DAG1: variants seen among roughly 807,000 people sequenced by gnomAD.
DAG1 encodes dystroglycan 1, also known as dystroglycan 1 (dystrophin-associated glycoprotein 1).
In DAG1, 8 loss-of-function variants were observed where a neutral mutation model predicts 46.1. The observed-to-expected ratio is 0.17, with a 90% confidence interval of 0.10 to 0.31. The LOEUF is 0.31. Ranked by LOEUF, DAG1 falls within the 10% of genes least tolerant of loss-of-function variation. The pLI, the probability that DAG1 is intolerant of heterozygous loss-of-function variation, is 1.00. For missense variants in DAG1, 1,003 were observed against 1,189.9 expected, an observed-to-expected ratio of 0.84 and a Z score of 2.31; for synonymous variants, 495 against 481.8, an observed-to-expected ratio of 1.03 and a Z score of -0.36.
chr3:49,472,062 C>G (rs1039396360), intron 1 of DAG1, among the ~76,000 whole-genome samples: 3 of 152,176 alleles, frequency 2.0e-5, no homozygotes, highest in Non-Finnish European at 2.9e-5. Flanking sequence ...AGCTCTGGGC[C>G]TGCCTTGTGC....
intron 1 of DAG1, among the ~76,000 whole-genome samples, chr3:49,501,186 C>T (rs1285604243): frequency 1.3e-5 from 2 of 152,160 alleles, no homozygotes; most frequent in African/African-American, 4.8e-5. Context: ...CGTCATGTGT[C>T]CGCAGATAGC....
chr3:49,490,005 C>T (rs922848616), intron 1 of DAG1, among the ~76,000 whole-genome samples: 3 of 152,254 alleles, frequency 2.0e-5, no homozygotes, highest in Admixed American at 1.3e-4. Flanking sequence ...TTGGCATGGA[C>T]GTCCTGAGAG....
chr3:49,483,893 A>T lies in DAG1; in HGVS notation c.-117+13460A>T, dbSNP rs889974862. Among the ~76,000 whole-genome samples the T allele has an allele frequency of 8.6e-5, 13 of 151,892 alleles. No individual in the cohort carries two copies. The East Asian group carries it at 2.5e-3, about 30-fold the overall frequency. ...GTCTTGGCTATGTTGCCCAGGCTGG[A>T]TCCTCCTGCCTCAGCCTCCCAAAGT... On this transcript the variant is annotated intron_variant, in intron 1 of 2. Transcript: ENST00000308775.
rs1340467363 is a variant in DAG1, at chr3:49,503,859, G to GT, written c.-116-6551dup. Reference sequence around the variant, plus strand: ...AAAAAAAGAAAAAAGAAATTTAAAGGTTTTTTTTTGAGACAGAGTCTTACT... The same window carrying GT: ...AAAAAAAGAAAAAAGAAATTTAAAGGTTTTTTTTTTGAGACAGAGTCTTACT... On this transcript the variant is annotated intron_variant, in intron 1 of 2. Transcript: ENST00000308775. Among the ~76,000 whole-genome samples the GT allele has an allele frequency of 2.8e-3, 427 of 151,002 alleles. 3 individuals carry two copies. The highest frequency in any genetic ancestry group is 9.5e-3 in the African/African-American group (389 of 41,148).
chr3:49,482,540 CTG>C (rs992837648), intron 1 of DAG1, among the ~76,000 whole-genome samples: 3 of 152,212 alleles, frequency 2.0e-5, no homozygotes, highest in Admixed American at 6.6e-5. Flanking sequence ...CTTTACTCCA[CTG>C]AGATGTTTGG....
intron 1 of DAG1, among the ~76,000 whole-genome samples, chr3:49,480,267 C>CTTTTT (rs1043834393): frequency 2.0e-5 from 2 of 100,024 alleles, no homozygotes; most frequent in Non-Finnish European, 4.1e-5. Flanking sequence ...TATAACATTT[C>CTTTTT]TTTTTTTTTT....
intron 1 of DAG1, among the ~76,000 whole-genome samples, chr3:49,477,987 C>G (rs182788658): frequency 2.6e-5 from 4 of 151,354 alleles, no homozygotes; most frequent in Non-Finnish European, 5.9e-5. Flanking sequence ...AAGAAAAGGA[C>G]TGGGCGTGGT....
rs1025185612 is a variant in DAG1, at chr3:49,533,617, C to T, written c.*418C>T. The T allele has an allele frequency of 5.7e-6, 2 of 347,898 alleles. No homozygotes were observed. The highest frequency in any genetic ancestry group is 1.1e-5 in the Non-Finnish European group (2 of 179,868). The allele number at this position is 347,898 out of a possible 1,614,324, so 21.6% of individuals were successfully genotyped here. Reference sequence around the variant, plus strand: ...GTTTTTTCTATTCACGTGTGTCTAGCTGCAGGATGTAACATGGAAAACAGT... The same window carrying T: ...GTTTTTTCTATTCACGTGTGTCTAGTTGCAGGATGTAACATGGAAAACAGT... On this transcript the variant is annotated 3_prime_UTR_variant, in exon 3 of 3. Coordinates refer to ENST00000308775, the MANE Select transcript of DAG1 (RefSeq NM_004393.6).
At chr3:49,527,259 TCAC>T (rs2051199839) in intron 2 of DAG1, among the ~76,000 whole-genome samples, 1 of 149,530 alleles carries the variant, frequency 6.7e-6, no homozygotes, top group Non-Finnish European at 1.5e-5. Context: ...GCGCGGTGGC[TCAC>T]GCCTGTAATC....
chr3:49,531,436 C>G lies in DAG1; in HGVS notation c.925C>G (p.Arg309Gly), dbSNP rs763271754. ...CAATAAGAAGCCCCCTCTTCCCAAA[C>G]GCGTCCGGAGGCAGATCCATGCTAC... is the stretch of plus-strand genomic sequence containing the variant. ...IANKKPPLPK[R>G]VRRQIHATPT... The change falls in exon 3 of 3, where the codon CGC (arginine) becomes GGC (glycine). Residue 309 changes from arginine to glycine, a missense_variant. Transcript: ENST00000308775. The surrounding 1 kb of genome is among the most constrained non-coding windows in gnomAD (Gnocchi z 7.0). 1 of 1,614,006 alleles carries G rather than the reference C, an allele frequency of 6.2e-7. No individual in the cohort carries two copies.
At position 49,533,358 on chromosome 3, in the gene DAG1, GT is replaced by G. The variant is rs1164156000; in HGVS notation, c.*160del. 1 of 1,119,420 alleles carries G rather than the reference GT, an allele frequency of 8.9e-7. No homozygotes were observed. The highest frequency in any genetic ancestry group is 1.3e-6 in the Non-Finnish European group (1 of 766,538). The allele number at this position is 1,119,420 out of a possible 1,614,324, so 69.3% of individuals were successfully genotyped here. ...GGCCTGGACAAGCCCGCCCTCTCTGGTCCTCCCAAACCCCAAAGCAGCTGGA... is the reference window on the plus strand; with the variant it reads ...GGCCTGGACAAGCCCGCCCTCTCTGGCCTCCCAAACCCCAAAGCAGCTGGA... On this transcript the variant is annotated 3_prime_UTR_variant, in exon 3 of 3. Coordinates refer to ENST00000308775, the MANE Select transcript of DAG1 (RefSeq NM_004393.6).
intron 1 of DAG1, chr3:49,510,184 A>G (rs1219913501): frequency 4.1e-6 from 2 of 491,704 alleles, no homozygotes; most frequent in Non-Finnish European, 7.1e-6. Flanking sequence ...GGCATTTTAC[A>G]TTCATTTTTT....
At chr3:49,480,757 GT>G (rs770596207) in intron 1 of DAG1, among the ~76,000 whole-genome samples, 359 of 113,112 alleles carry the variant, frequency 3.2e-3, no homozygotes, top group African/African-American at 7.0e-3. Context: ...TCTGCATAAA[GT>G]TTTTTTTTTT....
intron 2 of DAG1, among the ~76,000 whole-genome samples, chr3:49,529,447 G>A (rs1227360778): frequency 6.6e-6 from 1 of 152,194 alleles, no homozygotes; most frequent in Non-Finnish European, 1.5e-5. Context: ...CAAGCCTGGG[G>A]TCTCCTTTCC....
chr3:49,515,245 C>T lies in DAG1; in HGVS notation c.285+4426C>T, dbSNP rs193205220. 2.0e-5 allele frequency among the ~76,000 whole-genome samples: 3 copies of T among 151,092 alleles called. No individual in the cohort carries two copies. The East Asian group carries it at 5.8e-4, about 29-fold the overall frequency. ...TCGGCCTCCCAACGTGCTGGGATTA[C>T]AGGAATGAGCCACTGTCCCGGGCCT... On this transcript the variant is annotated intron_variant, in intron 2 of 2. Coordinates refer to ENST00000308775, the MANE Select transcript of DAG1 (RefSeq NM_004393.6).
At chr3:49,495,322 C>T (rs1300560059) in intron 1 of DAG1, among the ~76,000 whole-genome samples, 1 of 152,124 alleles carries the variant, frequency 6.6e-6, no homozygotes, top group Non-Finnish European at 1.5e-5. Context: ...ACTTGTGTTT[C>T]CTGATTTAGT....
Position 49,470,631 on chromosome 3 carries a change from A to G in DAG1, c.-117+198A>G, listed in dbSNP as rs2049489985. On this transcript the variant is annotated intron_variant, in intron 1 of 2. Transcript: ENST00000308775. ...CCCTTTGCTCTGGGTCCCGCAGGCA[A>G]AGGCTCGGAGCGTTCGGCTGCAAGG... 3 of 152,094 alleles carry G rather than the reference A, an allele frequency of 2.0e-5. No individual in the cohort carries two copies. The South Asian group carries it at 6.2e-4, about 32-fold the overall frequency. 9.4% of individuals were successfully genotyped at this position (152,094 alleles called of 1,614,324 possible). A position where few individuals can be genotyped will look rare whatever the true frequency, so the allele number is the denominator to read the frequency against.
At position 49,535,122 on chromosome 3, in the gene DAG1, G is replaced by A. The variant is rs2051476624; in HGVS notation, c.*1923G>A. The A allele has an allele frequency of 6.6e-6, 1 of 152,288 alleles. No homozygotes were observed. Among genetic ancestry groups the A allele is most frequent in the African/African-American group, 2.4e-5 (1 of 41,460 alleles). 9.4% of individuals were successfully genotyped at this position (152,288 alleles called of 1,614,324 possible). On this transcript the variant is annotated 3_prime_UTR_variant, in exon 3 of 3. Coordinates refer to ENST00000308775, the MANE Select transcript of DAG1 (RefSeq NM_004393.6). ...GGGGGAGCCTGTAAATGCGGGCTCA[G>A]TGGACCACTGGTGACTGGGCTCATG...
intron 2 of DAG1, among the ~76,000 whole-genome samples, chr3:49,529,658 T>C (rs1318233497): frequency 2.0e-5 from 3 of 152,226 alleles, no homozygotes; most frequent in Non-Finnish European, 4.4e-5. Context: ...TTGGCCAATT[T>C]GTCTCTGGTA....
Sources: gnomAD v4.1 joint callset for allele counts (sites outside exome capture counted in the v4.1 genomes callset) on GRCh38, gnomAD v4.1.1 for gene constraint, Gnocchi (gnomAD v3.1) non-coding constraint, MANE v1.5 for transcripts, NCBI Gene and HGNC (gene_info 2026-07-23, HGNC 2026-07-21) for gene names.